Variants in SH3KBP1 observed in about 807,000 individuals in gnomAD.
The protein encoded by SH3KBP1 is SH3 domain-containing kinase-binding protein 1.
A neutral mutation model predicts 50.1 loss-of-function variants in SH3KBP1; 8 were observed. The ratio of observed to expected loss-of-function variants is 0.16; its 90% confidence interval spans 0.09 to 0.29. The LOEUF (loss-of-function observed/expected upper bound fraction) is 0.29. Among genes scored for constraint, SH3KBP1 ranks in the 10% least tolerant of loss-of-function variants. SH3KBP1 has a pLI of 1.00. For missense variants in SH3KBP1, 377 were observed against 535.2 expected, an observed-to-expected ratio of 0.70 and a Z score of 2.92; for synonymous variants, 227 against 218.6, an observed-to-expected ratio of 1.04 and a Z score of -0.34.
chrX:19,851,428 G>T (rs955492687), intron 1 of SH3KBP1, among the ~76,000 whole-genome samples: 2 of 112,952 alleles, frequency 1.8e-5, no homozygotes, highest in Non-Finnish European at 3.7e-5. Flanking sequence ...GCCTGTGTCC[G>T]CCACTAGACT....
At chrX:19,701,924 A>C (rs2063544797) in intron 4 of SH3KBP1, among the ~76,000 whole-genome samples, 1 of 112,330 alleles carries the variant, frequency 8.9e-6, no homozygotes, top group African/African-American at 3.2e-5. Context: ...ATATGATTGC[A>C]GCCTGTTTTG....
chrX:19,572,957 G>A lies in SH3KBP1; in HGVS notation c.1299-3769C>T, dbSNP rs748441027. Among the ~76,000 whole-genome samples the A allele has an allele frequency of 1.6e-4, 18 of 111,673 alleles. No homozygotes were observed. The South Asian group carries it at 6.7e-3, about 42-fold the overall frequency. ...TAAGACTGGAAGAAAATTTACAGTG[G>A]TTATTCCTGGGTAGTCTGATGGGTG... On this transcript the variant is annotated intron_variant, in intron 12 of 17. Transcript: ENST00000397821.
intron 9 of SH3KBP1, 122 bp from the exon 10 acceptor site, chrX:19,595,122 A>G (rs956474826): frequency 2.3e-5 from 12 of 522,734 alleles, no homozygotes; most frequent in Admixed American, 2.1e-4. Context: ...CTCCAAAAAA[A>G]TTGAGCAATT....
At chrX:19,612,346 T>C (rs1449769698) in intron 8 of SH3KBP1, among the ~76,000 whole-genome samples, 1 of 111,772 alleles carries the variant, frequency 8.9e-6, no homozygotes, top group Non-Finnish European at 1.9e-5. Context: ...CACTGCAACC[T>C]CTGTCTCCCA....
intron 2 of SH3KBP1, among the ~76,000 whole-genome samples, chrX:19,756,928 C>T (rs1233018508): frequency 1.9e-5 from 2 of 106,695 alleles, no homozygotes; most frequent in East Asian, 2.9e-4. Context: ...TTTGTATGTA[C>T]GCCTCTGTGT....
chrX:19,692,687 A>AT (rs1173048315), intron 5 of SH3KBP1, among the ~76,000 whole-genome samples: 59 of 86,961 alleles, frequency 6.8e-4, no homozygotes, highest in Middle Eastern at 5.4e-3. Flanking sequence ...ATATATATAT[A>AT]TATTTTTTTT....
chrX:19,704,117 C>A (rs979650430), intron 4 of SH3KBP1, among the ~76,000 whole-genome samples: 6 of 111,923 alleles, frequency 5.4e-5, no homozygotes, highest in Non-Finnish European at 1.1e-4. Context: ...ATTAAAAGGC[C>A]AGCCTTTACG....
chrX:19,567,883 T>C (rs1444262764), intron 13 of SH3KBP1, among the ~76,000 whole-genome samples: 2 of 110,669 alleles, frequency 1.8e-5, no homozygotes, highest in African/African-American at 6.6e-5. Context: ...AAACAGAAGA[T>C]GTAAAGCTAA....
intron 1 of SH3KBP1, among the ~76,000 whole-genome samples, chrX:19,850,668 GA>G (rs2068482920): frequency 9.0e-6 from 1 of 111,177 alleles, no homozygotes; most frequent in African/African-American, 3.3e-5. Flanking sequence ...GTTTTTAGCA[GA>G]GTAATTATCT....
At chrX:19,626,139 C>T (rs2068011721) in intron 8 of SH3KBP1, among the ~76,000 whole-genome samples, 1 of 111,185 alleles carries the variant, frequency 9.0e-6, no homozygotes, top group East Asian at 2.8e-4. Flanking sequence ...AGCTGTGGTC[C>T]TGGAGAAAGA....
intron 3 of SH3KBP1, among the ~76,000 whole-genome samples, chrX:19,707,948 T>C (rs762468047): frequency 8.8e-6 from 1 of 113,073 alleles, no homozygotes; most frequent in East Asian, 2.8e-4. Flanking sequence ...TTGTCGTTCA[T>C]GGCTGACCGC....
At chrX:19,678,349 GT>G (rs368865059) in intron 6 of SH3KBP1, among the ~76,000 whole-genome samples, 8,635 of 98,133 alleles carry the variant, frequency 0.088, 811 homozygotes, top group African/African-American at 0.27. Flanking sequence ...ATTCCAGGAG[GT>G]TTTTTTTTTT....
intron 8 of SH3KBP1, among the ~76,000 whole-genome samples, chrX:19,619,760 C>T (rs939264922): frequency 6.3e-5 from 7 of 111,057 alleles, no homozygotes; most frequent in African/African-American, 1.3e-4. Flanking sequence ...CCAGCCTGGG[C>T]GACAGAGTGA....
At chrX:19,758,314 T>C (rs1361811001) in intron 2 of SH3KBP1, among the ~76,000 whole-genome samples, 2 of 78,410 alleles carry the variant, frequency 2.6e-5, no homozygotes, top group Admixed American at 2.1e-4. Context: ...GGCCACAGAG[T>C]GAGACTTCGT....
At chrX:19,584,768 G>A (rs1308899922) in intron 12 of SH3KBP1, among the ~76,000 whole-genome samples, 1 of 112,203 alleles carries the variant, frequency 8.9e-6, no homozygotes, top group African/African-American at 3.2e-5. Flanking sequence ...TCTGAAAGCC[G>A]CACTTGGCAG....
intron 4 of SH3KBP1, among the ~76,000 whole-genome samples, chrX:19,700,943 A>G (rs919548720): frequency 1.8e-5 from 2 of 112,171 alleles, no homozygotes; most frequent in African/African-American, 6.5e-5. Flanking sequence ...TCTACATGAG[A>G]GGCGGCCCTC....
chrX:19,619,733 G>A (rs929311687), intron 8 of SH3KBP1, among the ~76,000 whole-genome samples: 3 of 112,085 alleles, frequency 2.7e-5, no homozygotes, highest in Non-Finnish European at 5.6e-5. Context: ...AGTGAGCCGA[G>A]ATGGTGCCAC....
intron 3 of SH3KBP1, among the ~76,000 whole-genome samples, chrX:19,727,618 T>C (rs143248438): frequency 8.9e-6 from 1 of 112,907 alleles, no homozygotes; most frequent in African/African-American, 3.2e-5. Flanking sequence ...CAAATATTTG[T>C]TCAAGTCCCT....
At chrX:19,710,624 G>A (rs2063755235) in intron 3 of SH3KBP1, among the ~76,000 whole-genome samples, 1 of 111,533 alleles carries the variant, frequency 9.0e-6, no homozygotes, top group South Asian at 3.7e-4. Context: ...ATTTATTGGT[G>A]TTAATCTCTT....
Sources: gnomAD v4.1 joint callset for allele counts (sites outside exome capture counted in the v4.1 genomes callset) on GRCh38, gnomAD v4.1.1 for gene constraint, MANE v1.5 for transcripts, NCBI Gene and HGNC (gene_info 2026-07-23, HGNC 2026-07-21) for gene names.